PSD: variants seen among roughly 807,000 people sequenced by gnomAD.
PSD encodes PH and SEC7 domain-containing protein 1.
In PSD, 32 loss-of-function variants were observed where a neutral mutation model predicts 91.6. That is an observed-to-expected ratio of 0.35 (90% CI 0.26 to 0.47). PSD has a LOEUF of 0.47. Among genes scored for constraint, PSD ranks in the 20% least tolerant of loss-of-function variants. PSD has a pLI of 1.00. For missense variants in PSD, 1,099 were observed against 1,373.9 expected (o/e 0.80, Z 3.16); for synonymous variants, 532 against 569.3 (o/e 0.93, Z 0.93).
chr10:102,410,957 G>A lies in PSD; in HGVS notation c.2002-10C>T. 1 of 1,613,206 alleles carries A rather than the reference G, an allele frequency of 6.2e-7. No individual in the cohort carries two copies. The highest frequency in any genetic ancestry group is 1.1e-5 in the South Asian group (1 of 91,056). ...TGCGCTTCCCGATGTTCTAAGGAAG[G>A]GAACGGAGGCCTGTGAGTTTGGAGG... On this transcript the variant is annotated splice_polypyrimidine_tract_variant and intron_variant, in intron 9 of 16. Coordinates refer to ENST00000020673, the MANE Select transcript of PSD (RefSeq NM_002779.5). The surrounding 1 kb of genome is among the most constrained non-coding windows in gnomAD (Gnocchi z 6.0).
In PSD at chr10:102,402,684, G is replaced by A. The variant is rs1044156740; in HGVS notation, c.*516C>T. ...AAGGGCAAGGCCCACTGAAGCGGGG[G>A]AAAGCCAGGCCGTGCTGCCCCCGGC... is the stretch of plus-strand genomic sequence containing the variant. On this transcript the variant is annotated 3_prime_UTR_variant, in exon 17 of 17. Coordinates refer to ENST00000020673, the MANE Select transcript of PSD (RefSeq NM_002779.5). 148 of 326,990 alleles carry A rather than the reference G, an allele frequency of 4.5e-4. No individual in the cohort carries two copies. The highest frequency in any genetic ancestry group is 6.4e-4 in the Admixed American group (14 of 21,818). 20.3% of individuals were successfully genotyped at this position (326,990 alleles called of 1,614,324 possible). A position where few individuals can be genotyped will look rare whatever the true frequency, so the allele number is the denominator to read the frequency against.
upstream of PSD, chr10:102,418,887 C>A: frequency 2.9e-6 from 1 of 350,014 alleles, no homozygotes; most frequent in Admixed American, 3.3e-5. Context: ...GGGCCCAGAG[C>A]CCCGGAGGCT....
chr10:102,412,089 G>A, intron 7 of PSD, 58 bp downstream of exon 7: 3 of 1,536,728 alleles, frequency 2.0e-6, no homozygotes, highest in Non-Finnish European at 2.7e-6. Context: ...GAGGCATCCT[G>A]GGGCCCTAAC....
chr10:102,409,490 G>A lies in PSD; in HGVS notation c.2091+1368C>T, dbSNP rs1414385784. Among the ~76,000 whole-genome samples, 1 of 152,166 alleles carries A rather than the reference G, an allele frequency of 6.6e-6. No homozygotes were observed. Among genetic ancestry groups the A allele is most frequent in the African/African-American group, 2.4e-5 (1 of 41,444 alleles). ...GCTGTGACGCTGGGCGGACCCGGCA[G>A]GGTCTGGAACTCCCTTCTGGCTGGT... On this transcript the variant is annotated intron_variant, in intron 10 of 16. Transcript: ENST00000020673. The surrounding 1 kb of genome is among the most constrained non-coding windows in gnomAD (Gnocchi z 5.7).
Position 102,404,192 on chromosome 10 carries a change from TA to T in PSD, c.2701-208del, listed in dbSNP as rs1226376833. 1.3e-5 allele frequency among the ~76,000 whole-genome samples: 2 copies of T among 151,748 alleles called. No homozygotes were observed. The highest frequency in any genetic ancestry group is 4.8e-5 in the African/African-American group (2 of 41,300). On this transcript the variant is annotated intron_variant, in intron 15 of 16. Transcript: ENST00000020673. The surrounding 1 kb of genome is among the most constrained non-coding windows in gnomAD (Gnocchi z 5.7). Reference sequence around the variant, plus strand: ...TGAAACCCCGTCTCTACTAAAAATATAAAAAATTAGCCAGGCGTGGTGGCAG... The same window carrying T: ...TGAAACCCCGTCTCTACTAAAAATATAAAAATTAGCCAGGCGTGGTGGCAG...
At chr10:102,419,083 A>G (rs1385810643), upstream of PSD, 6 of 308,578 alleles carry the variant, frequency 1.9e-5, no homozygotes, top group Non-Finnish European at 3.3e-5. The surrounding 1 kb of genome is among the most constrained non-coding windows in gnomAD (Gnocchi z 4.8). Flanking sequence ...CCGGCTGCAC[A>G]CGCGTGTCCC....
Position 102,403,726 on chromosome 10 carries a change from G to T in PSD, c.2844+116C>A. ...TTGTTGCACAGAGGAGGAAACTGAG[G>T]CTTAGGTTAAGCAACCTGCCCAAGG... On this transcript the variant is annotated intron_variant, in intron 16 of 16. Coordinates refer to ENST00000020673, the MANE Select transcript of PSD (RefSeq NM_002779.5). This position sits in a 1 kb window ranked among gnomAD's most constrained non-coding sequence, Gnocchi z 6.7. 7.4e-7 allele frequency: 1 copy of T among 1,342,970 alleles called. No homozygotes were observed. Among genetic ancestry groups the T allele is most frequent in the South Asian group, 1.5e-5 (1 of 67,794 alleles). The allele number at this position is 1,342,970 out of a possible 1,614,324, so 83.2% of individuals were successfully genotyped here. A position where few individuals can be genotyped will look rare whatever the true frequency, so the allele number is the denominator to read the frequency against.
chr10:102,413,859 T>C lies in PSD; in HGVS notation c.1463A>G (p.Glu488Gly). The change falls in exon 5 of 17, where the codon GAG (glutamate) becomes GGG (glycine). Residue 488 changes from glutamate (E) to glycine (G), a missense_variant. Glu to Gly is a moderately conservative substitution (Grantham distance 98). Around this residue, in one of 3 missense-constraint regions of PSD, gnomAD observed 631 missense variants for 728.8 expected, o/e 0.87. Coordinates refer to ENST00000020673, the MANE Select transcript of PSD (RefSeq NM_002779.5). ...WTQRGEEEEA[E>G]ARAKLAPGRE... ...CCCTGGGGCCAGCTTGGCTCTGGCC[T>C]CTGCCTCCTCCTCCTCCCCTCTCTG... The C allele has an allele frequency of 6.2e-7, 1 of 1,614,074 alleles. No individual in the cohort carries two copies. Among genetic ancestry groups the C allele is most frequent in the Non-Finnish European group, 8.5e-7 (1 of 1,179,970 alleles).
At chr10:102,415,924 T>G in intron 3 of PSD, 93 bp downstream of exon 3, 2 of 874,586 alleles carry the variant, frequency 2.3e-6, no homozygotes, top group Non-Finnish European at 3.5e-6. Flanking sequence ...ATTCCAAGGA[T>G]TGGGGGAAGT....
At chr10:102,415,777 C>T (rs114689270) in intron 3 of PSD, among the ~76,000 whole-genome samples, 1,564 of 152,316 alleles carry the variant, frequency 0.01, 23 homozygotes, top group African/African-American at 0.036. Flanking sequence ...ATGGAATGCC[C>T]CTCAATATCC....
intron 10 of PSD, 44 bp from the exon 11 acceptor site, chr10:102,407,310 C>T (rs749068896): frequency 1.8e-5 from 25 of 1,364,374 alleles, no homozygotes; most frequent in Admixed American, 6.7e-5. Context: ...GGGTCAGTAC[C>T]GCAGTGTCAG....
Position 102,404,489 on chromosome 10 carries a change from A to G in PSD, c.2700+94T>C, listed in dbSNP as rs2061336876. On this transcript the variant is annotated intron_variant, in intron 15 of 16. Coordinates refer to ENST00000020673, the MANE Select transcript of PSD (RefSeq NM_002779.5). This position sits in a 1 kb window ranked among gnomAD's most constrained non-coding sequence, Gnocchi z 5.7. ...TGGCCAGCATCCTGGTGCAGGGGAC[A>G]TCTCCACGATCACACGCAGCAGCCT... The G allele has an allele frequency of 2.7e-6, 4 of 1,457,842 alleles. No homozygotes were observed. The East Asian group carries it at 7.0e-5, about 25-fold the overall frequency. The allele number at this position is 1,457,842 out of a possible 1,614,324, so 90.3% of individuals were successfully genotyped here.
In PSD at chr10:102,414,371, CT is replaced by C. The variant is rs1169756267; in HGVS notation, c.1125-175del. ...AGGGCGCCAAGCTATTCAGTGCCCC[CT>C]GGGGCACACCAGCCCTACCAGTCCC... On this transcript the variant is annotated intron_variant, in intron 4 of 16. Transcript: ENST00000020673. This position sits in a 1 kb window ranked among gnomAD's most constrained non-coding sequence, Gnocchi z 5.6. 6.6e-6 allele frequency among the ~76,000 whole-genome samples: 1 copy of C among 152,158 alleles called. No individual in the cohort carries two copies. Among genetic ancestry groups the C allele is most frequent in the Non-Finnish European group, 1.5e-5 (1 of 68,008 alleles).
chr10:102,416,813 G>C lies in PSD; in HGVS notation c.226C>G (p.Pro76Ala). Reference sequence around the variant, plus strand: ...GCCCAGGGTGAGGGAGCAACACGGGGTGAGGGGGGGCCACGCAGAGGTGTA... The same window carrying C: ...GCCCAGGGTGAGGGAGCAACACGGGCTGAGGGGGGGCCACGCAGAGGTGTA... ...PCTPLRGPPS[P>A]RVAPSPWAPS... Residue 76 changes from proline to alanine, a missense_variant, in exon 2 of 17, where the codon CCC (proline) becomes GCC (alanine). This residue lies in a region of PSD where 631 missense variants were observed against 728.8 expected (regional missense o/e 0.87). Transcript: ENST00000020673. This position sits in a 1 kb window ranked among gnomAD's most constrained non-coding sequence, Gnocchi z 6.0. The C allele has an allele frequency of 6.3e-7, 1 of 1,599,032 alleles. No homozygotes were observed. Among genetic ancestry groups the C allele is most frequent in the South Asian group, 1.1e-5 (1 of 88,784 alleles).
chr10:102,414,775 GC>G lies in PSD; in HGVS notation c.1124+87del. On this transcript the variant is annotated intron_variant, in intron 4 of 16. Transcript: ENST00000020673. The surrounding 1 kb of genome is among the most constrained non-coding windows in gnomAD (Gnocchi z 5.6). Reference sequence around the variant, plus strand: ...AGCCCCACACCCATCTCTATCCCAGGCCCTTTGAGCCCGGCTCTGCCTGTGG... The same window carrying G: ...AGCCCCACACCCATCTCTATCCCAGGCCTTTGAGCCCGGCTCTGCCTGTGG... The G allele has an allele frequency of 1.4e-6, 2 of 1,451,584 alleles. No homozygotes were observed. Among genetic ancestry groups the G allele is most frequent in the Non-Finnish European group, 1.8e-6 (2 of 1,099,768 alleles). The allele number at this position is 1,451,584 out of a possible 1,614,324, so 89.9% of individuals were successfully genotyped here.
Position 102,405,419 on chromosome 10 carries a change from G to A in PSD, c.2253C>T (p.Pro751=), listed in dbSNP as rs143757308. Residue 751 remains proline, a synonymous_variant, in exon 12 of 17, where the codon CCC becomes CCT. Transcript: ENST00000020673. This position sits in a 1 kb window ranked among gnomAD's most constrained non-coding sequence, Gnocchi z 5.4. ...GCTTGTAGACGGCAGCCCCAGGCTCGGGAGTCAGGTCCAGGAAAGGGCTGG... is the reference window on the plus strand; with the variant it reads ...GCTTGTAGACGGCAGCCCCAGGCTCAGGAGTCAGGTCCAGGAAAGGGCTGG... ...SGSSPFLDLT[P]EPGAAVYKHG... is the part of the protein sequence containing the mutation. 2.0e-5 allele frequency: 32 copies of A among 1,613,182 alleles called. No individual in the cohort carries two copies. Among genetic ancestry groups the A allele is most frequent in the African/African-American group, 4.0e-5 (3 of 74,720 alleles).
At chr10:102,406,353 A>G (rs1224322217) in intron 11 of PSD, among the ~76,000 whole-genome samples, 1 of 152,234 alleles carries the variant, frequency 6.6e-6, no homozygotes, top group Non-Finnish European at 1.5e-5. Flanking sequence ...AGGGAGTCTC[A>G]GTGGATAACG....
chr10:102,416,319 G>A lies in PSD; in HGVS notation c.654+66C>T, dbSNP rs2061479817. On this transcript the variant is annotated intron_variant, in intron 2 of 16. Coordinates refer to ENST00000020673, the MANE Select transcript of PSD (RefSeq NM_002779.5). The surrounding 1 kb of genome is among the most constrained non-coding windows in gnomAD (Gnocchi z 6.0). The stretch of plus-strand genomic sequence containing the variant: ...CAGAGTGAACAGCAGACAAGCCCAT[G>A]TCTGACAGGAGGCTGAGCCTTGCCC... 6 of 1,519,970 alleles carry A rather than the reference G, an allele frequency of 3.9e-6. No homozygotes were observed. The Admixed American group carries it at 1.2e-4, about 30-fold the overall frequency. The allele number at this position is 1,519,970 out of a possible 1,614,324, so 94.2% of individuals were successfully genotyped here.
chr10:102,418,076 C>T (rs2061504993), intron 1 of PSD, among the ~76,000 whole-genome samples: 3 of 151,598 alleles, frequency 2.0e-5, no homozygotes, highest in Admixed American at 2.0e-4. Flanking sequence ...CACACACACA[C>T]ACACACACAC....
Sources: gnomAD v4.1 joint callset for allele counts (sites outside exome capture counted in the v4.1 genomes callset) on GRCh38, gnomAD v4.1.1 for gene constraint, gnomAD v4.1.1 regional missense constraint, Gnocchi (gnomAD v3.1) non-coding constraint, MANE v1.5 for transcripts, NCBI Gene and HGNC (gene_info 2026-07-23, HGNC 2026-07-21) for gene names.